Variants in FBLN2 observed in about 807,000 individuals in gnomAD.
FBLN2 encodes fibulin-2.
FBLN2 carries 81 observed loss-of-function variants against 123.7 expected under a neutral mutation model. That is an observed-to-expected ratio of 0.65 (90% CI 0.55 to 0.79). The LOEUF (loss-of-function observed/expected upper bound fraction) is 0.79, where lower values mean the gene tolerates loss of function less well. Ranked by LOEUF, FBLN2 falls within the 30% of genes least tolerant of loss-of-function variation. FBLN2 has a pLI of 0.00. For missense variants in FBLN2, 1,603 were observed against 1,681.3 expected, an observed-to-expected ratio of 0.95 and a Z score of 0.81; for synonymous variants, 699 against 701.4, an observed-to-expected ratio of 1.00 and a Z score of 0.05.
intron 9 of FBLN2, among the ~76,000 whole-genome samples, chr3:13,623,831 A>G (rs1451466712): frequency 6.6e-6 from 1 of 152,234 alleles, no homozygotes; most frequent in East Asian, 1.9e-4. Flanking sequence ...GATTAAATGA[A>G]TTAGTCCATT....
chr3:13,607,871 A>G (rs1030792917), intron 2 of FBLN2, among the ~76,000 whole-genome samples, 191 bp from the exon 3 acceptor site: 33 of 152,112 alleles, frequency 2.2e-4, no homozygotes, highest in Non-Finnish European at 2.2e-4. Flanking sequence ...CCCAGCCCCC[A>G]TAGGGAGGAC....
At chr3:13,593,606 C>T (rs547621748) in intron 2 of FBLN2, among the ~76,000 whole-genome samples, 3 of 150,004 alleles carry the variant, frequency 2.0e-5, no homozygotes, top group South Asian at 2.1e-4. Flanking sequence ...CCCAGCTACT[C>T]GGGAGGCTGA....
chr3:13,595,124 G>T (rs1245991947), intron 2 of FBLN2, among the ~76,000 whole-genome samples: 1 of 152,168 alleles, frequency 6.6e-6, no homozygotes, highest in East Asian at 1.9e-4. Context: ...GGAAGATACC[G>T]TGGGTGCAGG....
At chr3:13,554,822 GA>G (rs1468014811) in intron 1 of FBLN2, among the ~76,000 whole-genome samples, 3 of 152,042 alleles carry the variant, frequency 2.0e-5, no homozygotes, top group Non-Finnish European at 4.4e-5. Context: ...CTTCCTTTCT[GA>G]CAGAGTGAGG....
rs370476173 is a variant in FBLN2, at chr3:13,637,527, C to T, written c.3339-35C>T. 118 of 1,538,656 alleles carry T rather than the reference C, an allele frequency of 7.7e-5. 1 individual carries two copies. The Admixed American group carries it at 1.3e-3, about 17-fold the overall frequency. On this transcript the variant is annotated intron_variant, in intron 17 of 17. Coordinates refer to ENST00000404922, the MANE Select transcript of FBLN2 (RefSeq NM_001004019.2). ...CCCGTCTGGGGATGAGGGGGGTGGG[C>T]GAGCTGTGGGTGACCCGGCCTATCC...
At chr3:13,630,655 G>A in intron 14 of FBLN2, 44 bp from the exon 15 acceptor site, 1 of 1,497,510 alleles carries the variant, frequency 6.7e-7, no homozygotes, top group Non-Finnish European at 9.1e-7. Context: ...GCTCTCCAAG[G>A]CAGACTTGGG....
At chr3:13,617,171 C>CATCCATCCATCCATCT (rs1553621519) in intron 5 of FBLN2, among the ~76,000 whole-genome samples, 143 of 151,532 alleles carry the variant, frequency 9.4e-4, no homozygotes, top group African/African-American at 3.3e-3. Flanking sequence ...TCCATCCATC[C>CATCCATCCATCCATCT]ATCCATCTAT....
rs764470700 is a variant in FBLN2 at position 13,627,976 on chromosome 3, G to A, written c.2569+7G>A. On this transcript the variant is annotated splice_region_variant and intron_variant, in intron 11 of 17. Transcript: ENST00000404922. ...CCTGAAGGCAACTGTGTGGGTGAGCGGGGGCTGCAGGGCTGGGGATCATCA... is the reference window on the plus strand; with the variant it reads ...CCTGAAGGCAACTGTGTGGGTGAGCAGGGGCTGCAGGGCTGGGGATCATCA... 2.9e-5 allele frequency: 47 copies of A among 1,611,900 alleles called. No homozygotes were observed. The highest frequency in any genetic ancestry group is 3.7e-5 in the Non-Finnish European group (44 of 1,178,762).
At position 13,629,047 on chromosome 3, in the gene FBLN2, G is replaced by C; in HGVS notation, c.2712G>C (p.Val904=). Residue 904 remains valine, a splice_region_variant and synonymous_variant, in exon 12 of 18, where the codon GTG becomes GTC. Transcript: ENST00000404922. ...YHASDDGTKC[V]DVNECETGVH... ...CCAGCGATGATGGGACCAAGTGTGT[G>C]GGTAAGGCCAGCCGCCTCCGCCCTG... 6.2e-7 allele frequency: 1 copy of C among 1,613,036 alleles called. No homozygotes were observed. The highest frequency in any genetic ancestry group is 8.5e-7 in the Non-Finnish European group (1 of 1,179,694).
intron 1 of FBLN2, among the ~76,000 whole-genome samples, chr3:13,550,603 G>T (rs1194655743): frequency 6.6e-6 from 1 of 152,234 alleles, no homozygotes; most frequent in Non-Finnish European, 1.5e-5. Context: ...TGTTCCCTCA[G>T]CCTGGCATGG....
chr3:13,572,868 A>C (rs992603511), intron 2 of FBLN2, among the ~76,000 whole-genome samples: 5 of 152,228 alleles, frequency 3.3e-5, no homozygotes, highest in African/African-American at 1.2e-4. Flanking sequence ...TTCTGTCACA[A>C]GAGCTGGGGG....
At chr3:13,593,735 G>A (rs868738712) in intron 2 of FBLN2, among the ~76,000 whole-genome samples, 245 of 124,838 alleles carry the variant, frequency 2.0e-3, no homozygotes, top group African/African-American at 7.4e-3. Flanking sequence ...AAAAAAAAGT[G>A]GAAGATAATT....
In FBLN2 at chr3:13,549,202, C is replaced by T. The variant is rs1368834996; in HGVS notation, c.-48C>T. The T allele has an allele frequency of 1.0e-6, 1 of 983,404 alleles. No homozygotes were observed. The allele number at this position is 983,404 out of a possible 1,614,324, so 60.9% of individuals were successfully genotyped here. On this transcript the variant is annotated 5_prime_UTR_variant, in exon 1 of 18. Transcript: ENST00000404922. Reference sequence around the variant, plus strand: ...GGACGGACGGACGCCGAGCGCAGTGCCCCGCGGTGAGTGCACGCGGCCCCT... The same window carrying T: ...GGACGGACGGACGCCGAGCGCAGTGTCCCGCGGTGAGTGCACGCGGCCCCT...
chr3:13,604,449 T>C (rs1460127775), intron 2 of FBLN2, among the ~76,000 whole-genome samples: 1 of 152,208 alleles, frequency 6.6e-6, no homozygotes. Flanking sequence ...GCTTTCTACA[T>C]ATGGCTAGCC....
chr3:13,623,641 C>T (rs182373369), intron 9 of FBLN2, among the ~76,000 whole-genome samples: 35 of 152,286 alleles, frequency 2.3e-4, no homozygotes, highest in African/African-American at 7.2e-4. Context: ...AGGTGAGATG[C>T]GAGGCTTATG....
Position 13,637,764 on chromosome 3 carries a change from A to G in FBLN2, c.3541A>G (p.Arg1181Gly), listed in dbSNP as rs1706530602. 1 of 1,613,938 alleles carries G rather than the reference A, an allele frequency of 6.2e-7. No individual in the cohort carries two copies. The highest frequency in any genetic ancestry group is 2.2e-5 in the East Asian group (1 of 44,880). ...GNEEGYFGTRRLNAYTGVVYL... is the reference protein window; with the variant it reads ...GNEEGYFGTRGLNAYTGVVYL... ...TGAGGAGGGCTACTTTGGCACGCGC[A>G]GGCTCAATGCCTACACGGGTGTGGT... Residue 1181 changes from arginine to glycine, a missense_variant, in exon 18 of 18, where the codon AGG becomes GGG. Physicochemically the swap from Arg to Gly is moderately radical, Grantham distance 125 (BLOSUM62 -2). Transcript: ENST00000404922.
At chr3:13,575,111 C>A (rs1223284915) in intron 2 of FBLN2, among the ~76,000 whole-genome samples, 10 of 152,220 alleles carry the variant, frequency 6.6e-5, no homozygotes, top group Admixed American at 6.5e-4. Flanking sequence ...TTTCTAATTG[C>A]TCAGCAAGTC....
intron 1 of FBLN2, among the ~76,000 whole-genome samples, chr3:13,550,683 G>T (rs1703298960): frequency 6.6e-6 from 1 of 152,276 alleles, no homozygotes; most frequent in South Asian, 2.1e-4. Flanking sequence ...GCCAAATGGG[G>T]TGAAGACTCC....
intron 1 of FBLN2, among the ~76,000 whole-genome samples, chr3:13,551,247 G>A (rs1008496440): frequency 6.6e-6 from 1 of 152,182 alleles, no homozygotes; most frequent in African/African-American, 2.4e-5. Context: ...CCTACCCTTC[G>A]AGGCCTTAGT....
Sources: gnomAD v4.1 joint callset for allele counts (sites outside exome capture counted in the v4.1 genomes callset) on GRCh38, gnomAD v4.1.1 for gene constraint, MANE v1.5 for transcripts, NCBI Gene and HGNC (gene_info 2026-07-23, HGNC 2026-07-21) for gene names.